Variants in RFTN2 observed in about 807,000 individuals in gnomAD.
RFTN2 encodes the protein raftlin-2.
Under a neutral mutation model 52.7 loss-of-function variants are expected in RFTN2, and 34 were observed. That is an observed-to-expected ratio of 0.64 (90% CI 0.49 to 0.86). The LOEUF is 0.86. RFTN2 is among the 40% of genes least tolerant of loss of function. The pLI is 0.00. For missense variants in RFTN2, 536 were observed against 600.1 expected (o/e 0.89, Z 1.12); for synonymous variants, 203 against 217.7 (o/e 0.93, Z 0.59).
chr2:197,590,005 C>T (rs2087675296), intron 8 of RFTN2, among the ~76,000 whole-genome samples: 2 of 152,020 alleles, frequency 1.3e-5, no homozygotes, highest in Non-Finnish European at 2.9e-5. Flanking sequence ...CTCCCAGGCT[C>T]CAGCGATCCC....
At chr2:197,595,646 C>T (rs542762793) in intron 8 of RFTN2, among the ~76,000 whole-genome samples, 12 of 152,300 alleles carry the variant, frequency 7.9e-5, no homozygotes, top group East Asian at 3.9e-4. Flanking sequence ...TGATTAGACA[C>T]GTTTACAAAT....
intron 8 of RFTN2, among the ~76,000 whole-genome samples, chr2:197,590,490 T>A (rs1160737191): frequency 6.6e-6 from 1 of 152,218 alleles, no homozygotes; most frequent in African/African-American, 2.4e-5. Context: ...CATTGTGCAA[T>A]CCTCAATTTC....
chr2:197,664,696 GA>G (rs1168606189), intron 1 of RFTN2, among the ~76,000 whole-genome samples: 1 of 151,840 alleles, frequency 6.6e-6, no homozygotes, highest in Non-Finnish European at 1.5e-5. Context: ...GAGGTGGGAG[GA>G]TCACTTGAGC....
At chr2:197,605,331 TC>T (rs1303447817) in intron 7 of RFTN2, among the ~76,000 whole-genome samples, 1 of 151,978 alleles carries the variant, frequency 6.6e-6, no homozygotes, top group East Asian at 1.9e-4. Flanking sequence ...TTCTCTTGCC[TC>T]AGCCTCCCAA....
chr2:197,633,455 G>GA (rs1297363692), intron 4 of RFTN2, among the ~76,000 whole-genome samples: 1 of 152,094 alleles, frequency 6.6e-6, no homozygotes, highest in Non-Finnish European at 1.5e-5. Flanking sequence ...GGGAGTTTTG[G>GA]ATGACTAAAT....
intron 7 of RFTN2, among the ~76,000 whole-genome samples, chr2:197,610,870 T>C (rs2088045658): frequency 6.6e-6 from 1 of 152,236 alleles, no homozygotes; most frequent in African/African-American, 2.4e-5. Flanking sequence ...ATTGAGATAA[T>C]CATGTGTTTT....
intron 7 of RFTN2, among the ~76,000 whole-genome samples, chr2:197,600,026 T>C (rs1332108575): frequency 1.3e-5 from 2 of 152,024 alleles, no homozygotes; most frequent in African/African-American, 4.8e-5. Flanking sequence ...ATCTGGCTTT[T>C]TTTTGTATTT....
At chr2:197,615,040 C>T (rs2088120030) in intron 7 of RFTN2, among the ~76,000 whole-genome samples, 1 of 152,188 alleles carries the variant, frequency 6.6e-6, no homozygotes, top group African/African-American at 2.4e-5. Flanking sequence ...TGTGGCTTTT[C>T]AGATAAAGCC....
Position 197,623,048 on chromosome 2 carries a change from C to G in RFTN2, c.929-5127G>C, listed in dbSNP as rs150707017. Reference sequence around the variant, plus strand: ...GTTTTCATGCCTGCTAACACAACATCCATTCTGCAGCCCATGGATCAAGGA... The same window carrying G: ...GTTTTCATGCCTGCTAACACAACATGCATTCTGCAGCCCATGGATCAAGGA... On this transcript the variant is annotated intron_variant, in intron 5 of 8. Transcript: ENST00000295049. Among the ~76,000 whole-genome samples the G allele has an allele frequency of 1.4e-3, 214 of 152,354 alleles. 1 individual carries two copies. The highest frequency in any genetic ancestry group is 4.6e-3 in the African/African-American group (192 of 41,584).
Position 197,571,592 on chromosome 2 carries a change from AAG to A in RFTN2, c.*414_*415del, listed in dbSNP as rs571011809. ...TGTGTATGAGAGAGAGAGAAAAAAAAAGAGAGAGAGAGGTTATTTTTCAGCTT... is the reference window on the plus strand; with the variant it reads ...TGTGTATGAGAGAGAGAGAAAAAAAAAGAGAGAGAGGTTATTTTTCAGCTT... On this transcript the variant is annotated 3_prime_UTR_variant, in exon 9 of 9. Coordinates refer to ENST00000295049, the MANE Select transcript of RFTN2 (RefSeq NM_144629.3). 1.1e-4 allele frequency: 18 copies of A among 171,172 alleles called. No homozygotes were observed. Among genetic ancestry groups the A allele is most frequent in the Admixed American group, 4.0e-4 (7 of 17,584 alleles). 10.6% of individuals were successfully genotyped at this position (171,172 alleles called of 1,614,324 possible).
rs2088673976 is a variant in RFTN2, at chr2:197,641,477, T to C, written c.438+2681A>G. Among the ~76,000 whole-genome samples, 5 of 152,220 alleles carry C rather than the reference T, an allele frequency of 3.3e-5. No individual in the cohort carries two copies. The South Asian group carries it at 1.0e-3, about 32-fold the overall frequency. Reference sequence around the variant, plus strand: ...AAATGGGTGCATTTACCGTCAGTGCTTCCTCTAGGTCTTGTTAGTTGATTT... The same window carrying C: ...AAATGGGTGCATTTACCGTCAGTGCCTCCTCTAGGTCTTGTTAGTTGATTT... On this transcript the variant is annotated intron_variant, in intron 3 of 8. Transcript: ENST00000295049.
intron 4 of RFTN2, among the ~76,000 whole-genome samples, chr2:197,631,474 A>T (rs2088468352): frequency 6.6e-6 from 1 of 152,194 alleles, no homozygotes; most frequent in Admixed American, 6.5e-5. Flanking sequence ...GGTGTTTATC[A>T]TTCTCATGCA....
chr2:197,575,101 C>T (rs1336915737), intron 8 of RFTN2, among the ~76,000 whole-genome samples: 1 of 152,010 alleles, frequency 6.6e-6, no homozygotes, highest in African/African-American at 2.4e-5. Flanking sequence ...GTGGGTCTTT[C>T]CCATGCTGTT....
chr2:197,609,685 C>G (rs1015547789), intron 7 of RFTN2, among the ~76,000 whole-genome samples: 2 of 152,092 alleles, frequency 1.3e-5, no homozygotes, highest in Non-Finnish European at 2.9e-5. Flanking sequence ...GTCATGAAGT[C>G]TTTGCCCATG....
intron 1 of RFTN2, among the ~76,000 whole-genome samples, chr2:197,666,378 A>G (rs910429215): frequency 2.6e-5 from 4 of 152,110 alleles, no homozygotes; most frequent in Admixed American, 6.6e-5. Flanking sequence ...GCCCAGCCCT[A>G]TTTCTCCATT....
At chr2:197,648,995 A>G (rs1172333445) in intron 1 of RFTN2, among the ~76,000 whole-genome samples, 1 of 152,234 alleles carries the variant, frequency 6.6e-6, no homozygotes, top group Non-Finnish European at 1.5e-5. Context: ...ATGTCTTTCT[A>G]TGTCTAGCAT....
chr2:197,593,807 A>C (rs115279254), intron 8 of RFTN2, among the ~76,000 whole-genome samples: 2,262 of 150,278 alleles, frequency 0.015, 49 homozygotes, highest in African/African-American at 0.053. Context: ...GAATCACTTA[A>C]CCAGGGAGTA....
At chr2:197,613,533 G>T (rs542828426) in intron 7 of RFTN2, among the ~76,000 whole-genome samples, 65 of 152,166 alleles carry the variant, frequency 4.3e-4, no homozygotes, top group Non-Finnish European at 6.0e-4. Flanking sequence ...TTTGACCAAG[G>T]TCAACTGTAT....
chr2:197,591,657 C>CG (rs750266267), intron 8 of RFTN2, among the ~76,000 whole-genome samples: 134 of 152,102 alleles, frequency 8.8e-4, no homozygotes, highest in Middle Eastern at 3.4e-3. Flanking sequence ...GGTGGTGGAG[C>CG]GGGGGGGCTC....
Sources: gnomAD v4.1 joint callset for allele counts (sites outside exome capture counted in the v4.1 genomes callset) on GRCh38, gnomAD v4.1.1 for gene constraint, MANE v1.5 for transcripts, NCBI Gene and HGNC (gene_info 2026-07-23, HGNC 2026-07-21) for gene names.